HCK: variants seen among roughly 807,000 people sequenced by gnomAD.
HCK encodes HCK proto-oncogene, Src family tyrosine kinase.
A neutral mutation model predicts 70.4 loss-of-function variants in HCK; 40 were observed. The observed-to-expected ratio is 0.57, with a 90% CI of 0.44 to 0.74. The LOEUF (loss-of-function observed/expected upper bound fraction) is 0.74. HCK is among the 30% of genes least tolerant of loss of function. HCK has a pLI of 0.00. For synonymous variants in HCK, 245 were observed against 263.2 expected, an observed-to-expected ratio of 0.93 and a Z score of 0.67; for missense variants, 568 against 697.2, an observed-to-expected ratio of 0.81 and a Z score of 2.09.
chr20:32,063,650 T>A (rs967746014), intron 1 of HCK, among the ~76,000 whole-genome samples: 1 of 152,166 alleles, frequency 6.6e-6, no homozygotes, highest in Non-Finnish European at 1.5e-5. Context: ...AGTACCATCT[T>A]ACCTTCTCTT....
intron 4 of HCK, among the ~76,000 whole-genome samples, chr20:32,074,328 G>T (rs112981959): frequency 3.3e-5 from 5 of 152,252 alleles, no homozygotes; most frequent in African/African-American, 1.2e-4. Context: ...CCCTGCCATG[G>T]GTATAGCTAA....
intron 5 of HCK, among the ~76,000 whole-genome samples, chr20:32,078,868 AAAAAAAAAAAAG>A (rs1488526477): frequency 6.6e-6 from 1 of 150,940 alleles, no homozygotes; most frequent in Non-Finnish European, 1.5e-5. Context: ...AAAAAAAAAA[AAAAAAAAAAAAG>A]GGGGGGAATG....
intron 5 of HCK, among the ~76,000 whole-genome samples, chr20:32,076,096 G>T (rs561356700): frequency 6.6e-6 from 1 of 152,124 alleles, no homozygotes; most frequent in African/African-American, 2.4e-5. Context: ...GCCAAGGCAC[G>T]CAGATCACCT....
At position 32,059,037 on chromosome 20, in the gene HCK, G is replaced by A. The variant is rs548358231; in HGVS notation, c.62+6551G>A. 2.0e-5 allele frequency among the ~76,000 whole-genome samples: 3 copies of A among 152,346 alleles called. No homozygotes were observed. In the South Asian group the frequency reaches 6.2e-4, roughly 32 times the overall value. On this transcript the variant is annotated intron_variant, in intron 1 of 12. Transcript: ENST00000375852. Reference sequence around the variant, plus strand: ...CCAATAGCCACAGAGAAATCTCTCAGACAAAGAGATGAAGGTGCCGGCAGC... The same window carrying A: ...CCAATAGCCACAGAGAAATCTCTCAAACAAAGAGATGAAGGTGCCGGCAGC...
rs532129599 is a variant in HCK at position 32,060,693 on chromosome 20, AT to A, written c.62+8213del. Among the ~76,000 whole-genome samples, 4 of 152,096 alleles carry A rather than the reference AT, an allele frequency of 2.6e-5. No individual in the cohort carries two copies. The East Asian group carries it at 5.8e-4, about 22-fold the overall frequency. On this transcript the variant is annotated intron_variant, in intron 1 of 12. Coordinates refer to ENST00000375852, the MANE Select transcript of HCK (RefSeq NM_002110.5). ...GGTGCATTAGTCCAGGTCCTTTTTT[AT>A]TTTTTCTTTTCTTTTTCATACTTAA... is the stretch of plus-strand genomic sequence containing the variant.
rs2045643591 is a variant in HCK at position 32,077,457 on chromosome 20, C to T, written c.429-2317C>T. Reference sequence around the variant, plus strand: ...GCTTATCTCACACAAGTGGTAGATACCACACACACTGTTCCATGCCTCTCG... The same window carrying T: ...GCTTATCTCACACAAGTGGTAGATATCACACACACTGTTCCATGCCTCTCG... On this transcript the variant is annotated intron_variant, in intron 5 of 12. Coordinates refer to ENST00000375852, the MANE Select transcript of HCK (RefSeq NM_002110.5). Among the ~76,000 whole-genome samples the T allele has an allele frequency of 3.3e-5, 5 of 152,164 alleles. No individual in the cohort carries two copies. The South Asian group carries it at 1.0e-3, about 32-fold the overall frequency.
chr20:32,098,754 T>C (rs143027777), intron 11 of HCK, among the ~76,000 whole-genome samples: 52 of 152,248 alleles, frequency 3.4e-4, no homozygotes, highest in African/African-American at 1.3e-3. Flanking sequence ...ATCAGCTGAA[T>C]CAACGAGGAG....
At chr20:32,074,194 G>A (rs1178003147) in intron 4 of HCK, among the ~76,000 whole-genome samples, 4 of 152,146 alleles carry the variant, frequency 2.6e-5, no homozygotes, top group Non-Finnish European at 5.9e-5. Flanking sequence ...ACCATCATGG[G>A]TATAGTGTCC....
chr20:32,071,935 G>A, intron 2 of HCK, 153 bp downstream of exon 2: 1 of 905,690 alleles, frequency 1.1e-6, no homozygotes, highest in Non-Finnish European at 1.6e-6. Flanking sequence ...CGACTCTCCG[G>A]GACGCAGCGC....
intron 5 of HCK, among the ~76,000 whole-genome samples, chr20:32,075,336 A>G (rs2045606598): frequency 6.6e-6 from 1 of 152,034 alleles, no homozygotes; most frequent in East Asian, 1.9e-4. Flanking sequence ...TGGGACTACA[A>G]GTGCGCATCA....
intron 11 of HCK, among the ~76,000 whole-genome samples, chr20:32,094,467 C>T (rs1302703026): frequency 2.6e-5 from 4 of 151,914 alleles, no homozygotes; most frequent in Non-Finnish European, 5.9e-5. Flanking sequence ...ACTGCTTGAG[C>T]CCAGAAGCTC....
chr20:32,058,570 T>A (rs1336588439), intron 1 of HCK, among the ~76,000 whole-genome samples: 3 of 146,822 alleles, frequency 2.0e-5, no homozygotes, highest in African/African-American at 7.5e-5. Flanking sequence ...AGGATACTAC[T>A]CATGATTCCT....
intron 1 of HCK, chr20:32,054,232 G>A (rs920780895): frequency 8.8e-6 from 4 of 456,340 alleles, no homozygotes; most frequent in South Asian, 1.5e-5. Context: ...CCGCTGTCAT[G>A]AGTTACAGTC....
chr20:32,080,848 G>C (rs1399455786), intron 6 of HCK, among the ~76,000 whole-genome samples: 2 of 152,036 alleles, frequency 1.3e-5, no homozygotes, highest in Non-Finnish European at 2.9e-5. Context: ...CCAAGTAGGG[G>C]AGGCCAACAC....
intron 1 of HCK, among the ~76,000 whole-genome samples, chr20:32,069,213 C>A (rs1256576746): frequency 3.3e-5 from 5 of 152,192 alleles, no homozygotes; most frequent in Non-Finnish European, 7.3e-5. Flanking sequence ...GAGGTAGAAC[C>A]CTTGCCACCC....
At chr20:32,074,492 G>A (rs1015126529) in intron 4 of HCK, 131 bp from the exon 5 acceptor site, 7 of 689,894 alleles carry the variant, frequency 1.0e-5, no homozygotes, top group Non-Finnish European at 1.9e-5. Context: ...GGCTGACATA[G>A]TCACAGCCCT....
Position 32,073,330 on chromosome 20 carries a change from C to A in HCK, c.195C>A (p.Ser65Arg), listed in dbSNP as rs184537004. 113 of 1,612,060 alleles carry A rather than the reference C, an allele frequency of 7.0e-5. No individual in the cohort carries two copies. The East Asian group carries it at 2.3e-3, about 32-fold the overall frequency. Residue 65 changes from serine (S) to arginine (R), a missense_variant, in exon 3 of 13, where the codon AGC becomes AGA. Ser to Arg is a moderately radical substitution (Grantham distance 110). Transcript: ENST00000375852. ...TTTCTTCCCCACAGGGGCCTAATAGCCACAACAGCAACACACCAGGAATCA... is the reference window on the plus strand; with the variant it reads ...TTTCTTCCCCACAGGGGCCTAATAGACACAACAGCAACACACCAGGAATCA...
At chr20:32,053,424 G>C (rs2045212166) in intron 1 of HCK, among the ~76,000 whole-genome samples, 1 of 151,850 alleles carries the variant, frequency 6.6e-6, no homozygotes, top group Non-Finnish European at 1.5e-5. Context: ...GATCTCTTGA[G>C]GTCTAGAGTT....
intron 10 of HCK, among the ~76,000 whole-genome samples, chr20:32,090,704 TGAAA>T: frequency 6.6e-6 from 1 of 152,154 alleles, no homozygotes; most frequent in Non-Finnish European, 1.5e-5. Context: ...CTGGGGGTCA[TGAAA>T]TCTCACCGCC....
Sources: gnomAD v4.1 joint callset for allele counts (sites outside exome capture counted in the v4.1 genomes callset) on GRCh38, gnomAD v4.1.1 for gene constraint, MANE v1.5 for transcripts, NCBI Gene and HGNC (gene_info 2026-07-23, HGNC 2026-07-21) for gene names.